LPCAT1: variants seen among roughly 807,000 people sequenced by gnomAD.
The protein encoded by LPCAT1 is 1-acylglycerol-3-phosphate O-acyltransferase.
Under a neutral mutation model 60.9 loss-of-function variants are expected in LPCAT1, and 23 were observed. That is an observed-to-expected ratio of 0.38 (90% CI 0.27 to 0.53). LPCAT1 has a LOEUF of 0.53. Among genes scored for constraint, LPCAT1 ranks in the 20% least tolerant of loss-of-function variants. The pLI is 0.82. For missense variants in LPCAT1, 622 were observed against 723.6 expected (o/e 0.86, Z 1.61); for synonymous variants, 340 against 301.1 (o/e 1.13, Z -1.34).
At position 1,463,628 on chromosome 5, in the gene LPCAT1, G is replaced by A. The variant is rs1396457421; in HGVS notation, c.*23C>T. On this transcript the variant is annotated 3_prime_UTR_variant, in exon 14 of 14. Transcript: ENST00000283415. ...CGGTGATGTCCACGCGGGAGGGGCC[G>A]CGTCTCTCCGCAACCCTGGGTCCTA... 3.1e-6 allele frequency: 5 copies of A among 1,612,196 alleles called. No individual in the cohort carries two copies. Among genetic ancestry groups the A allele is most frequent in the East Asian group, 2.2e-5 (1 of 44,886 alleles).
chr5:1,484,122 G>A (rs1253963010), intron 5 of LPCAT1, among the ~76,000 whole-genome samples: 1 of 152,242 alleles, frequency 6.6e-6, no homozygotes, highest in Non-Finnish European at 1.5e-5. Context: ...AGCTGCAGCA[G>A]GACTTGCCCG....
chr5:1,509,320 G>A (rs1268166146), intron 1 of LPCAT1, among the ~76,000 whole-genome samples: 1 of 152,218 alleles, frequency 6.6e-6, no homozygotes, highest in African/African-American at 2.4e-5. Flanking sequence ...TTAATTATGT[G>A]GAAAAAATTA....
intron 1 of LPCAT1, among the ~76,000 whole-genome samples, chr5:1,507,519 G>A (rs1736223442): frequency 6.6e-6 from 1 of 152,256 alleles, no homozygotes; most frequent in South Asian, 2.1e-4. Flanking sequence ...CCCAGCAGAA[G>A]GCCCAGGGCT....
intron 2 of LPCAT1, among the ~76,000 whole-genome samples, chr5:1,498,659 C>A (rs1735889466): frequency 6.6e-6 from 1 of 151,808 alleles, no homozygotes; most frequent in Non-Finnish European, 1.5e-5. Context: ...CACAGAGACA[C>A]AACACTCATA....
At chr5:1,519,254 T>C (rs934197562) in intron 1 of LPCAT1, among the ~76,000 whole-genome samples, 6 of 152,250 alleles carry the variant, frequency 3.9e-5, no homozygotes, top group African/African-American at 1.4e-4. Context: ...TATGTGGGTA[T>C]GCTTATGTGG....
At chr5:1,471,985 G>GCC (rs1333178050) in intron 11 of LPCAT1, among the ~76,000 whole-genome samples, 1 of 151,304 alleles carries the variant, frequency 6.6e-6, no homozygotes, top group African/African-American at 2.4e-5. Flanking sequence ...CTCTGGCCAG[G>GCC]CAGCAGGAGG....
At chr5:1,474,247 C>G (rs1734806863) in intron 10 of LPCAT1, 137 bp from the exon 11 acceptor site, 1 of 1,027,906 alleles carries the variant, frequency 9.7e-7, no homozygotes, top group African/African-American at 1.6e-5. Flanking sequence ...AAGGCATTCT[C>G]CTAATTGGAA....
chr5:1,464,685 AAC>A (rs568490856), intron 13 of LPCAT1, among the ~76,000 whole-genome samples: 4,674 of 145,674 alleles, frequency 0.032, 151 homozygotes, highest in African/African-American at 0.088. Flanking sequence ...ACGGTAAACA[AAC>A]ACATGCGTGC....
chr5:1,511,027 CG>C (rs904496029), intron 1 of LPCAT1, among the ~76,000 whole-genome samples: 44 of 152,326 alleles, frequency 2.9e-4, no homozygotes, highest in African/African-American at 8.7e-4. Context: ...CTTCCTCCTG[CG>C]GGGCGTCCCC....
At position 1,465,456 on chromosome 5, in the gene LPCAT1, TAACTA is replaced by T. The variant is rs1169927583; in HGVS notation, c.1420+1288_1420+1292del. Among the ~76,000 whole-genome samples the T allele has an allele frequency of 3.7e-4, 45 of 122,976 alleles. 3 individuals are homozygous for T. Among genetic ancestry groups the T allele is most frequent in the African/African-American group, 3.2e-4 (10 of 31,434 alleles). 80.7% of individuals were successfully genotyped at this position (122,976 alleles called of 152,430 possible). On this transcript the variant is annotated intron_variant, in intron 13 of 13. Coordinates refer to ENST00000283415, the MANE Select transcript of LPCAT1 (RefSeq NM_024830.5). ...ACAAAACAAGCGCAGGTACACACAGTAACTAAACATGCATGCACACACAAAACAAG... is the reference window on the plus strand; with the variant it reads ...ACAAAACAAGCGCAGGTACACACAGTAACATGCATGCACACACAAAACAAG...
In LPCAT1 at chr5:1,496,696, G is replaced by GA. The variant is rs1489186446; in HGVS notation, c.279-1783dup. Among the ~76,000 whole-genome samples, 2 of 152,182 alleles carry GA rather than the reference G, an allele frequency of 1.3e-5. No individual in the cohort carries two copies. The highest frequency in any genetic ancestry group is 4.8e-5 in the African/African-American group (2 of 41,446). On this transcript the variant is annotated intron_variant, in intron 2 of 13. Coordinates refer to ENST00000283415, the MANE Select transcript of LPCAT1 (RefSeq NM_024830.5). The surrounding 1 kb of genome is among the most constrained non-coding windows in gnomAD (Gnocchi z 4.7). ...GAACTGTACTGGGTGTCGGGGCAGGGAAAAAGCAGCCTCAGCTCTTCTCTA... is the reference window on the plus strand; with the variant it reads ...GAACTGTACTGGGTGTCGGGGCAGGGAAAAAAGCAGCCTCAGCTCTTCTCTA...
At chr5:1,508,794 G>T (rs1406481942) in intron 1 of LPCAT1, among the ~76,000 whole-genome samples, 1 of 152,202 alleles carries the variant, frequency 6.6e-6, no homozygotes, top group Non-Finnish European at 1.5e-5. Context: ...TGAAGGCGCC[G>T]GTGGTCACAA....
At chr5:1,503,279 G>A (rs115720164) in intron 1 of LPCAT1, among the ~76,000 whole-genome samples, 3,246 of 152,318 alleles carry the variant, frequency 0.021, 109 homozygotes, top group African/African-American at 0.074. Flanking sequence ...CATTGGTGAC[G>A]ATCGTCACTG....
chr5:1,495,065 G>A lies in LPCAT1; in HGVS notation c.279-151C>T, dbSNP rs1735736293. On this transcript the variant is annotated intron_variant, in intron 2 of 13. Transcript: ENST00000283415. This position sits in a 1 kb window ranked among gnomAD's most constrained non-coding sequence, Gnocchi z 4.7. ...GCCGCCGCTGGGACATCTGCTTGAG[G>A]GAAGAAAAGACGCCGCGCCTTCCTG... The A allele has an allele frequency of 1.4e-6, 1 of 702,762 alleles. No individual in the cohort carries two copies. The highest frequency in any genetic ancestry group is 1.9e-5 in the South Asian group (1 of 51,816). The allele number at this position is 702,762 out of a possible 1,614,324, so 43.5% of individuals were successfully genotyped here.
chr5:1,489,225 G>T (rs1191815778), intron 4 of LPCAT1, among the ~76,000 whole-genome samples: 1 of 152,242 alleles, frequency 6.6e-6, no homozygotes, highest in Non-Finnish European at 1.5e-5. Context: ...GCAAAGCTTC[G>T]TGAGCAATCA....
Position 1,489,740 on chromosome 5 carries a change from C to T in LPCAT1, c.606+6G>A, listed in dbSNP as rs1298830946. 1 of 1,582,862 alleles carries T rather than the reference C, an allele frequency of 6.3e-7. No homozygotes were observed. Among genetic ancestry groups the T allele is most frequent in the South Asian group, 1.1e-5 (1 of 90,470 alleles). ...ACTGAAACACAATCAGGGCTACGTG[C>T]ATTACCTGTGGCCACTTTCCGTTGG... On this transcript the variant is annotated splice_donor_region_variant and intron_variant, in intron 4 of 13. Coordinates refer to ENST00000283415, the MANE Select transcript of LPCAT1 (RefSeq NM_024830.5).
chr5:1,518,411 G>A (rs978353242), intron 1 of LPCAT1, among the ~76,000 whole-genome samples: 5 of 152,190 alleles, frequency 3.3e-5, no homozygotes, highest in East Asian at 1.9e-4. Context: ...TGCGATCTCC[G>A]CTCACTGCAA....
rs373102788 is a variant in LPCAT1 at position 1,477,290 on chromosome 5, G to A, written c.899+114C>T. The stretch of plus-strand genomic sequence containing the variant: ...ACCAACATGCATGAAGCTGGTTCCC[G>A]CACTTCTGCAAGAATGCCTTTTCCT... On this transcript the variant is annotated intron_variant, in intron 9 of 13. Coordinates refer to ENST00000283415, the MANE Select transcript of LPCAT1 (RefSeq NM_024830.5). The surrounding 1 kb of genome is among the most constrained non-coding windows in gnomAD (Gnocchi z 6.0). 3.3e-5 allele frequency: 27 copies of A among 830,700 alleles called. No individual in the cohort carries two copies. The highest frequency in any genetic ancestry group is 1.0e-4 in the East Asian group (4 of 39,740). The allele number at this position is 830,700 out of a possible 1,614,324, so 51.5% of individuals were successfully genotyped here. A position where few individuals can be genotyped will look rare whatever the true frequency, so the allele number is the denominator to read the frequency against.
intron 12 of LPCAT1, among the ~76,000 whole-genome samples, chr5:1,468,670 T>C (rs557470841): frequency 6.6e-6 from 1 of 152,346 alleles, no homozygotes; most frequent in Admixed American, 6.5e-5. Flanking sequence ...CTTAAGGTTT[T>C]ACACAGTAAT....
Sources: gnomAD v4.1 joint callset for allele counts (sites outside exome capture counted in the v4.1 genomes callset) on GRCh38, gnomAD v4.1.1 for gene constraint, Gnocchi (gnomAD v3.1) non-coding constraint, MANE v1.5 for transcripts, NCBI Gene and HGNC (gene_info 2026-07-23, HGNC 2026-07-21) for gene names.